The following EDARADD variants were observed in gnomAD, a reference collection of about 807,000 sequenced individuals.
The protein encoded by EDARADD is ectodysplasin-A receptor-associated adapter protein.
EDARADD carries 20 observed loss-of-function variants against 25.6 expected under a neutral mutation model. The observed-to-expected ratio is 0.78, with a 90% CI of 0.55 to 1.14. The LOEUF is 1.14. EDARADD is among the 50% of genes most tolerant of loss of function. EDARADD has a pLI of 0.00. For missense variants in EDARADD, 225 were observed against 270.1 expected, an observed-to-expected ratio of 0.83 and a Z score of 1.17; for synonymous variants, 86 against 94.4, an observed-to-expected ratio of 0.91 and a Z score of 0.52.
At chr1:236,400,720 A>ATTTTTTTTTTTTTTTTTTTTTTTTT (rs55864840) in intron 1 of EDARADD, among the ~76,000 whole-genome samples, 2 of 121,180 alleles carry the variant, frequency 1.7e-5, no homozygotes, top group Non-Finnish European at 1.7e-5. Flanking sequence ...ACACCCGGCT[A>ATTTTTTTTTTTTTTTTTTTTTTTTT]TTTTTTTTTT....
chr1:236,465,208 A>G (rs1289132412), intron 4 of EDARADD, among the ~76,000 whole-genome samples: 1 of 151,792 alleles, frequency 6.6e-6, no homozygotes, highest in Non-Finnish European at 1.5e-5. Context: ...CTGTTCCCCC[A>G]TGCGTCCTAC....
intron 4 of EDARADD, among the ~76,000 whole-genome samples, chr1:236,465,403 G>A (rs1026350813): frequency 6.6e-6 from 1 of 152,024 alleles, no homozygotes; most frequent in Non-Finnish European, 1.5e-5. Context: ...TTAACTTCCA[G>A]CCCGATTTCT....
rs597954 is a variant in EDARADD, at chr1:236,432,370, T to G, written c.219+4920T>G. Among the ~76,000 whole-genome samples, 9 of 150,110 alleles carry G rather than the reference T, an allele frequency of 6.0e-5. No individual in the cohort carries two copies. In the South Asian group the frequency reaches 1.7e-3, roughly 28 times the overall value. ...TGCCACTGCACTTCAGCCTGGGAGA[T>G]AGAGCCAGACCCTGCCACCAAAAGA... is the stretch of plus-strand genomic sequence containing the variant. On this transcript the variant is annotated intron_variant, in intron 4 of 5. Coordinates refer to ENST00000334232, the MANE Select transcript of EDARADD (RefSeq NM_145861.4).
At chr1:236,384,994 T>C (rs1667335467) in intron 3 of EDARADD, among the ~76,000 whole-genome samples, 1 of 152,038 alleles carries the variant, frequency 6.6e-6, no homozygotes, top group African/African-American at 2.4e-5. Context: ...TATCCAAGTC[T>C]ATTCCCTGCT....
At chr1:236,415,944 C>T (rs1262436419) in intron 3 of EDARADD, among the ~76,000 whole-genome samples, 9 of 152,202 alleles carry the variant, frequency 5.9e-5, no homozygotes, top group South Asian at 2.1e-4. Flanking sequence ...CACGCACTAA[C>T]GTGAGTCTCC....
intron 3 of EDARADD, among the ~76,000 whole-genome samples, chr1:236,361,408 G>A (rs923407924): frequency 1.7e-4 from 26 of 151,590 alleles, no homozygotes; most frequent in African/African-American, 5.1e-4. Flanking sequence ...CTCCACCTCC[G>A]GGTTCAAGTG....
At chr1:236,466,936 G>A (rs770066785) in intron 4 of EDARADD, among the ~76,000 whole-genome samples, 3 of 152,032 alleles carry the variant, frequency 2.0e-5, no homozygotes, top group Admixed American at 6.6e-5. Context: ...GCGTGGTGGC[G>A]GGTGGCTGTA....
At chr1:236,479,384 A>G (rs1034252880) in intron 5 of EDARADD, among the ~76,000 whole-genome samples, 19 of 151,778 alleles carry the variant, frequency 1.3e-4, no homozygotes, top group African/African-American at 4.4e-4. Context: ...GGTCCCAGCT[A>G]CTCAGGAGGC....
At chr1:236,391,378 G>C (rs1667424455), upstream of EDARADD, among the ~76,000 whole-genome samples, 1 of 152,162 alleles carries the variant, frequency 6.6e-6, no homozygotes, top group Non-Finnish European at 1.5e-5. Context: ...TTTAACAACT[G>C]TCTGTTCCAA....
intron 5 of EDARADD, among the ~76,000 whole-genome samples, chr1:236,472,217 A>G (rs1230564346): frequency 6.6e-6 from 1 of 152,148 alleles, no homozygotes; most frequent in African/African-American, 2.4e-5. Context: ...TTAATCATCC[A>G]CAGACATGGT....
At chr1:236,472,018 AT>A (rs71673239) in intron 5 of EDARADD, among the ~76,000 whole-genome samples, 3,829 of 151,490 alleles carry the variant, frequency 0.025, 137 homozygotes, top group East Asian at 0.18. Context: ...GACATTCACT[AT>A]TTTTTTTTAC....
chr1:236,403,650 C>T (rs1391390573), intron 1 of EDARADD, among the ~76,000 whole-genome samples: 1 of 152,126 alleles, frequency 6.6e-6, no homozygotes, highest in Non-Finnish European at 1.5e-5. Flanking sequence ...CATGTGGATA[C>T]TACTACTCAC....
At chr1:236,396,924 G>C (rs1405622885) in intron 1 of EDARADD, among the ~76,000 whole-genome samples, 1 of 136,434 alleles carries the variant, frequency 7.3e-6, no homozygotes, top group Non-Finnish European at 1.5e-5. Context: ...GTTTTAGGCT[G>C]GATTTTACTA....
chr1:236,452,425 T>A (rs1312787726), intron 4 of EDARADD, among the ~76,000 whole-genome samples: 1 of 152,168 alleles, frequency 6.6e-6, no homozygotes, highest in Non-Finnish European at 1.5e-5. Flanking sequence ...CGGGGGTGGT[T>A]ATCCCCATGC....
At chr1:236,397,687 G>A (rs1667540884) in intron 1 of EDARADD, among the ~76,000 whole-genome samples, 1 of 152,160 alleles carries the variant, frequency 6.6e-6, no homozygotes. Flanking sequence ...TTCCTACAAA[G>A]AGAAAGGAGG....
At position 236,424,766 on chromosome 1, in the gene EDARADD, T is replaced by C. The variant is rs1387774220; in HGVS notation, c.161-2626T>C. Reference sequence around the variant, plus strand: ...CAGGATCTTTGCTGCAACAGGGGCATAAGCTGCAGCGTGGTCCAGCCCAAT... The same window carrying C: ...CAGGATCTTTGCTGCAACAGGGGCACAAGCTGCAGCGTGGTCCAGCCCAAT... On this transcript the variant is annotated intron_variant, in intron 3 of 5. Transcript: ENST00000334232. Among the ~76,000 whole-genome samples the C allele has an allele frequency of 2.0e-5, 3 of 152,284 alleles. No individual in the cohort carries two copies. The East Asian group carries it at 5.8e-4, about 29-fold the overall frequency.
intron 3 of EDARADD, among the ~76,000 whole-genome samples, chr1:236,368,314 G>A (rs1047694520): frequency 3.6e-4 from 55 of 152,068 alleles, no homozygotes; most frequent in African/African-American, 1.1e-3. Context: ...CTTATGTCCC[G>A]TAGAAATCTT....
intron 3 of EDARADD, among the ~76,000 whole-genome samples, chr1:236,358,453 G>C (rs1667008275): frequency 6.6e-6 from 1 of 152,162 alleles, no homozygotes; most frequent in African/African-American, 2.4e-5. Flanking sequence ...GTTTGCTCTT[G>C]GTTCTCTGGT....
intron 4 of EDARADD, among the ~76,000 whole-genome samples, chr1:236,437,118 C>T (rs551520215): frequency 1.3e-5 from 2 of 152,284 alleles, no homozygotes; most frequent in African/African-American, 4.8e-5. Context: ...TTTGTGGATG[C>T]TCCAATCACA....
Sources: gnomAD v4.1 joint callset for allele counts (sites outside exome capture counted in the v4.1 genomes callset) on GRCh38, gnomAD v4.1.1 for gene constraint, MANE v1.5 for transcripts, NCBI Gene and HGNC (gene_info 2026-07-23, HGNC 2026-07-21) for gene names.